NCAM1: variants seen among roughly 807,000 people sequenced by gnomAD.
NCAM1 encodes the protein antigen recognized by monoclonal antibody 5.1H11.
Under a neutral mutation model 109.8 loss-of-function variants are expected in NCAM1, and 14 were observed. The ratio of observed to expected loss-of-function variants is 0.13; its 90% CI spans 0.08 to 0.20. The LOEUF (loss-of-function observed/expected upper bound fraction) is 0.20, where lower values mean the gene tolerates loss of function less well. Among genes scored for constraint, NCAM1 ranks in the 10% least tolerant of loss-of-function variants. The probability of loss-of-function intolerance (pLI) is 1.00; values close to 1 mark genes in which losing one functional copy is unlikely to be tolerated. For missense variants in NCAM1, 774 were observed against 1,109.9 expected, an observed-to-expected ratio of 0.70 and a Z score of 4.30; for synonymous variants, 418 against 442.9, an observed-to-expected ratio of 0.94 and a Z score of 0.70.
intron 1 of NCAM1, among the ~76,000 whole-genome samples, chr11:113,063,300 G>C (rs1483577788): frequency 6.6e-6 from 1 of 152,194 alleles, no homozygotes; most frequent in African/African-American, 2.4e-5. Flanking sequence ...GTACACAGCT[G>C]GGTGTGGCCT....
rs1007710409 is a variant in NCAM1 at position 113,251,576 on chromosome 11, A to G, written c.1829-4301A>G. 3.3e-5 allele frequency among the ~76,000 whole-genome samples: 5 copies of G among 152,196 alleles called. No individual in the cohort carries two copies. In the East Asian group the frequency reaches 7.7e-4, roughly 23 times the overall value. ...CAATACTTTATATTTGTTATTGGCA[A>G]AGTTTCTTTTTAATGTTCCGTTGGT... On this transcript the variant is annotated intron_variant, in intron 15 of 19. Coordinates refer to ENST00000316851, the MANE Select transcript of NCAM1 (RefSeq NM_181351.5).
rs55807221 is a variant in NCAM1 at position 113,237,937 on chromosome 11, GAT to G, written c.1825+2783_1825+2784del. Among the ~76,000 whole-genome samples the G allele has an allele frequency of 1.2e-3, 168 of 143,194 alleles. 3 individuals carry two copies. The highest frequency in any genetic ancestry group is 1.7e-3 in the Non-Finnish European group (110 of 65,872). The allele number at this position is 143,194 out of a possible 152,430, so 93.9% of individuals were successfully genotyped here. ...ATAGATATATAGATATAGATATATA[GAT>G]ATATATATAGATATATAGATAGATA... On this transcript the variant is annotated intron_variant, in intron 14 of 19. Coordinates refer to ENST00000316851, the MANE Select transcript of NCAM1 (RefSeq NM_181351.5).
At chr11:113,194,431 T>C (rs1459261935) in intron 1 of NCAM1, among the ~76,000 whole-genome samples, 1 of 152,168 alleles carries the variant, frequency 6.6e-6, no homozygotes, top group Non-Finnish European at 1.5e-5. Flanking sequence ...GACTGCTTGC[T>C]GCATGGTTTT....
chr11:113,180,021 C>T (rs1044188916), intron 1 of NCAM1, among the ~76,000 whole-genome samples: 51 of 152,320 alleles, frequency 3.3e-4, no homozygotes, highest in African/African-American at 1.0e-3. Flanking sequence ...GCACACAGAA[C>T]AAGACCCCAG....
chr11:113,051,939 T>C (rs1953511579), intron 1 of NCAM1, among the ~76,000 whole-genome samples: 1 of 152,208 alleles, frequency 6.6e-6, no homozygotes, highest in Non-Finnish European at 1.5e-5. Flanking sequence ...TTTGCCCACC[T>C]AAAAGGTGTG....
At chr11:113,029,802 T>TA (rs1180629285) in intron 1 of NCAM1, among the ~76,000 whole-genome samples, 3 of 152,200 alleles carry the variant, frequency 2.0e-5, no homozygotes, top group African/African-American at 7.2e-5. Context: ...ATACTGTGAT[T>TA]AAAAAAATTT....
At chr11:113,268,834 C>T (rs150177303) in intron 17 of NCAM1, among the ~76,000 whole-genome samples, 3 of 152,104 alleles carry the variant, frequency 2.0e-5, no homozygotes, top group Non-Finnish European at 1.5e-5. Flanking sequence ...CAAAGCCTAG[C>T]GAGCTGGGTT....
chr11:113,273,482 C>G lies in NCAM1; in HGVS notation c.2456+1606C>G, dbSNP rs1009567796. ...GCCCGGACCCGGAGCCCACCCAGCCCGGAGCCGCGAAGAGCCCGGCCGAGG... is the reference window on the plus strand; with the variant it reads ...GCCCGGACCCGGAGCCCACCCAGCCGGGAGCCGCGAAGAGCCCGGCCGAGG... On this transcript the variant is annotated intron_variant, in intron 19 of 19. Transcript: ENST00000316851. The surrounding 1 kb of genome is among the most constrained non-coding windows in gnomAD (Gnocchi z 6.0). The G allele has an allele frequency of 1.7e-4, 56 of 338,670 alleles. No individual in the cohort carries two copies. Among genetic ancestry groups the G allele is most frequent in the Admixed American group, 7.7e-4 (20 of 25,890 alleles). 21.0% of individuals were successfully genotyped at this position (338,670 alleles called of 1,614,324 possible). A position where few individuals can be genotyped will look rare whatever the true frequency, so the allele number is the denominator to read the frequency against.
intron 1 of NCAM1, among the ~76,000 whole-genome samples, chr11:113,026,578 G>A (rs868913189): frequency 2.0e-5 from 3 of 152,228 alleles, no homozygotes; most frequent in Non-Finnish European, 2.9e-5. Flanking sequence ...ATTGTATAAA[G>A]TTTAAACAGT....
chr11:112,972,575 A>T (rs1340822519), intron 1 of NCAM1, among the ~76,000 whole-genome samples: 1 of 152,146 alleles, frequency 6.6e-6, no homozygotes, highest in African/African-American at 2.4e-5. Flanking sequence ...TCACCCTGTA[A>T]TCAAGACTGG....
At chr11:113,111,404 A>G (rs1565442815) in intron 1 of NCAM1, among the ~76,000 whole-genome samples, 1 of 152,202 alleles carries the variant, frequency 6.6e-6, no homozygotes. Flanking sequence ...GGAAAAAAAA[A>G]GTGCTAATCA....
intron 1 of NCAM1, among the ~76,000 whole-genome samples, chr11:113,094,321 A>C (rs753606245): frequency 1.2e-4 from 18 of 152,226 alleles, no homozygotes; most frequent in Non-Finnish European, 2.1e-4. Context: ...GACGATAGAC[A>C]TCAGGCTGAT....
Position 113,214,480 on chromosome 11 carries a change from C to T in NCAM1, c.1028C>T (p.Thr343Ile). ...GDPIPSITWR[T>I]STRNISSEEK... ...CCCATTCCCTCCATCACCTGGAGGA[C>T]TTCTACCCGGAACATCAGCAGCGAA... The change falls in exon 8 of 20, where the codon ACT (threonine) becomes ATT (isoleucine). Residue 343 changes from threonine (T) to isoleucine (I), a missense_variant. By Grantham distance (89) the Thr-to-Ile change is moderately conservative (BLOSUM62 -1). Transcript: ENST00000316851. 1 of 1,611,780 alleles carries T rather than the reference C, an allele frequency of 6.2e-7. No homozygotes were observed. The highest frequency in any genetic ancestry group is 8.5e-7 in the Non-Finnish European group (1 of 1,178,862).
chr11:113,030,987 C>T (rs557552585), intron 1 of NCAM1, among the ~76,000 whole-genome samples: 5 of 152,082 alleles, frequency 3.3e-5, no homozygotes, highest in African/African-American at 1.2e-4. Flanking sequence ...ATAGTCAATG[C>T]GTGTTATTTT....
intron 1 of NCAM1, among the ~76,000 whole-genome samples, chr11:112,966,448 C>T (rs1950730784): frequency 6.6e-6 from 1 of 152,114 alleles, no homozygotes; most frequent in African/African-American, 2.4e-5. Context: ...TCTATGAGCT[C>T]CAGAGTTTTC....
At position 113,260,130 on chromosome 11, in the gene NCAM1, C is replaced by G; in HGVS notation, c.1954-16C>G. The G allele has an allele frequency of 6.2e-7, 1 of 1,600,870 alleles. No individual in the cohort carries two copies. The highest frequency in any genetic ancestry group is 8.5e-7 in the Non-Finnish European group (1 of 1,175,498). ...TTTTGGTCTCTTGTATCCTTCTTGC[C>G]GGTTTCTCCCAGAAGCTCTCCTCCG... is the stretch of plus-strand genomic sequence containing the variant. On this transcript the variant is annotated splice_polypyrimidine_tract_variant and intron_variant, in intron 16 of 19. Coordinates refer to ENST00000316851, the MANE Select transcript of NCAM1 (RefSeq NM_181351.5).
intron 1 of NCAM1, among the ~76,000 whole-genome samples, chr11:113,000,548 G>C (rs564065345): frequency 1.3e-4 from 20 of 152,144 alleles, no homozygotes; most frequent in African/African-American, 4.6e-4. Context: ...TGTATAATGA[G>C]ATAATTAAAT....
chr11:113,129,675 T>C (rs1425088185), intron 1 of NCAM1, among the ~76,000 whole-genome samples: 2 of 152,088 alleles, frequency 1.3e-5, no homozygotes, highest in Non-Finnish European at 1.5e-5. Context: ...AGCCCAAAAA[T>C]GTCAAATGAA....
At chr11:112,971,671 A>T (rs186527387) in intron 1 of NCAM1, among the ~76,000 whole-genome samples, 118 of 152,160 alleles carry the variant, frequency 7.8e-4, no homozygotes, top group African/African-American at 2.7e-3. Flanking sequence ...TAAATATGGT[A>T]CCTTGACCTT....
Sources: gnomAD v4.1 joint callset for allele counts (sites outside exome capture counted in the v4.1 genomes callset) on GRCh38, gnomAD v4.1.1 for gene constraint, Gnocchi (gnomAD v3.1) non-coding constraint, MANE v1.5 for transcripts, NCBI Gene and HGNC (gene_info 2026-07-23, HGNC 2026-07-21) for gene names.